PCDHA2: variants seen among roughly 807,000 people sequenced by gnomAD.
PCDHA2 encodes the protein protocadherin alpha-2.
Under a neutral mutation model 66.0 loss-of-function variants are expected in PCDHA2, and 58 were observed. The ratio of observed to expected loss-of-function variants is 0.88; its 90% confidence interval spans 0.71 to 1.09. PCDHA2 has a LOEUF of 1.09. Ranked by LOEUF, PCDHA2 falls within the 50% of genes least tolerant of loss-of-function variation. The probability of loss-of-function intolerance (pLI) is 0.00; values close to 1 mark genes in which losing one functional copy is unlikely to be tolerated. For synonymous variants in PCDHA2, 634 were observed against 554.0 expected, an observed-to-expected ratio of 1.14 and a Z score of -2.03; for missense variants, 1,267 against 1,242.3, an observed-to-expected ratio of 1.02 and a Z score of -0.30.
At chr5:141,001,702 G>C (rs2098033163) in intron 3 of PCDHA2, among the ~76,000 whole-genome samples, 1 of 152,194 alleles carries the variant, frequency 6.6e-6, no homozygotes, top group Non-Finnish European at 1.5e-5. Flanking sequence ...GGCGAAATAG[G>C]GGGCGGGGAA....
Position 140,842,808 on chromosome 5 carries a change from A to G in PCDHA2, c.2388+45456A>G. 1.3e-6 allele frequency: 2 copies of G among 1,594,086 alleles called. No individual in the cohort carries two copies. Among genetic ancestry groups the G allele is most frequent in the Non-Finnish European group, 1.7e-6 (2 of 1,165,358 alleles). ...GCGCTGGTGTCCTACTCGCTTGTGG[A>G]GCGGCGGGTGGGCGAGCGCTCGCTG... On this transcript the variant is annotated intron_variant, in intron 1 of 3. Coordinates refer to ENST00000526136, the MANE Select transcript of PCDHA2 (RefSeq NM_018905.3).
intron 1 of PCDHA2, chr5:140,836,420 G>A: frequency 6.2e-7 from 1 of 1,613,810 alleles, no homozygotes. Context: ...CAAAGGCGTC[G>A]TCGCGGGCAT....
At chr5:140,905,910 A>G (rs2153491860) in intron 1 of PCDHA2, among the ~76,000 whole-genome samples, 1 of 152,334 alleles carries the variant, frequency 6.6e-6, no homozygotes, top group Admixed American at 6.5e-5. Context: ...GGAGCAAGGA[A>G]TCCAATCTGA....
intron 1 of PCDHA2, chr5:140,807,254 G>A (rs1367583489): frequency 1.1e-5 from 18 of 1,614,118 alleles, no homozygotes; most frequent in Non-Finnish European, 1.4e-5. Context: ...TCTCCTCGCA[G>A]CCTGGGAGGC....
chr5:140,875,741 T>A lies in PCDHA2; in HGVS notation c.2388+78389T>A, dbSNP rs781967971. On this transcript the variant is annotated intron_variant, in intron 1 of 3. Transcript: ENST00000526136. ...GGCATTTTGTTTGTGAATTCTCGGA[T>A]CGACCGCGAGAAGCTGTGCGGGCGG... 1.7e-5 allele frequency: 28 copies of A among 1,614,216 alleles called. No individual in the cohort carries two copies. Among genetic ancestry groups the A allele is most frequent in the Non-Finnish European group, 2.2e-5 (26 of 1,180,032 alleles).
In PCDHA2 at chr5:140,869,957, A is replaced by G. The variant is rs782483772; in HGVS notation, c.2388+72605A>G. The stretch of plus-strand genomic sequence containing the variant: ...GTAACATACTCCTTAATGTCAATTA[A>G]GCCCAATGGAAGACACTTATTTACA... On this transcript the variant is annotated intron_variant, in intron 1 of 3. Transcript: ENST00000526136. 4 of 1,613,040 alleles carry G rather than the reference A, an allele frequency of 2.5e-6. No homozygotes were observed. The South Asian group carries it at 4.4e-5, about 18-fold the overall frequency.
intron 1 of PCDHA2, chr5:140,884,666 A>C (rs1554181818): frequency 6.4e-7 from 1 of 1,571,180 alleles, no homozygotes; most frequent in African/African-American, 1.4e-5. Flanking sequence ...GAAAGAGGTA[A>C]GCTTATATTT....
intron 1 of PCDHA2, among the ~76,000 whole-genome samples, chr5:140,905,776 G>A (rs190550917): frequency 2.4e-3 from 372 of 152,186 alleles, no homozygotes; most frequent in Non-Finnish European, 4.1e-3. Context: ...ATTCCGAAGT[G>A]TATTAGTCAG....
chr5:140,819,658 A>T (rs1010317649), intron 1 of PCDHA2, among the ~76,000 whole-genome samples: 5 of 152,142 alleles, frequency 3.3e-5, no homozygotes, highest in African/African-American at 1.2e-4. Context: ...GGAATATTCA[A>T]AATAAGAGTT....
rs782231259 is a variant in PCDHA2, at chr5:140,797,038, A to G, written c.2074A>G (p.Thr692Ala). 6.2e-7 allele frequency: 1 copy of G among 1,613,710 alleles called. No individual in the cohort carries two copies. Among genetic ancestry groups the G allele is most frequent in the South Asian group, 1.1e-5 (1 of 91,092 alleles). The change falls in exon 1 of 4, where the codon ACG becomes GCG. Residue 692 changes from threonine (T) to alanine (A), a missense_variant. Physicochemically the swap from Thr to Ala is moderately conservative, Grantham distance 58. Coordinates refer to ENST00000526136, the MANE Select transcript of PCDHA2 (RefSeq NM_018905.3). The stretch of plus-strand genomic sequence containing the variant: ...GGTGGGCGCCGCGGGCTCAGAGGCT[A>G]CGCTGGTGGATGTCAACGTGTACCT... ...AWVGAAGSEA[T>A]LVDVNVYLII... is the part of the protein sequence containing the mutation.
intron 1 of PCDHA2, among the ~76,000 whole-genome samples, chr5:140,960,614 G>A (rs1167351854): frequency 3.3e-5 from 5 of 152,130 alleles, no homozygotes; most frequent in African/African-American, 1.2e-4. Context: ...AATATCTAGT[G>A]TGTTTTTGAA....
chr5:140,873,461 T>A (rs2054305243), intron 1 of PCDHA2, among the ~76,000 whole-genome samples: 1 of 152,224 alleles, frequency 6.6e-6, no homozygotes, highest in Admixed American at 6.5e-5. Context: ...GCATTTTAGA[T>A]AATTCAAATT....
chr5:140,870,100 T>C (rs1554163812), intron 1 of PCDHA2: 2 of 1,613,914 alleles, frequency 1.2e-6, no homozygotes, highest in Admixed American at 3.3e-5. Context: ...GGCAGGTCAC[T>C]GTACAGTCTG....
At chr5:140,868,859 A>G (rs2050687281) in intron 1 of PCDHA2, 1 of 502,518 alleles carries the variant, frequency 2.0e-6, no homozygotes, top group African/African-American at 1.9e-5. Context: ...TGTGGTGGTA[A>G]ATGCAGTGCA....
intron 1 of PCDHA2, among the ~76,000 whole-genome samples, chr5:140,896,658 T>C (rs2065683362): frequency 6.6e-6 from 1 of 152,154 alleles, no homozygotes; most frequent in African/African-American, 2.4e-5. Context: ...ATTACAGGCA[T>C]GAGTCACTGT....
At chr5:140,862,800 G>T (rs782261222) in intron 1 of PCDHA2, 1 of 575,550 alleles carries the variant, frequency 1.7e-6, no homozygotes, top group African/African-American at 2.0e-5. Flanking sequence ...AGGAGCTGGA[G>T]CTGCTGCAGT....
rs1764445088 is a variant in PCDHA2, at chr5:140,809,379, C to G, written c.2388+12027C>G. The G allele has an allele frequency of 1.9e-6, 3 of 1,614,006 alleles. No individual in the cohort carries two copies. The African/African-American group carries it at 4.0e-5, about 22-fold the overall frequency. The stretch of plus-strand genomic sequence containing the variant: ...TGCTCTGCGCTGCCCACCGAGGGCG[C>G]GTGCGCTCCGGGCAAGCCCACGCTG... On this transcript the variant is annotated intron_variant, in intron 1 of 3. Transcript: ENST00000526136.
intron 1 of PCDHA2, among the ~76,000 whole-genome samples, chr5:140,913,986 G>A (rs1326699020): frequency 1.3e-5 from 2 of 152,048 alleles, no homozygotes; most frequent in African/African-American, 4.8e-5. Context: ...GACTTGTATT[G>A]TGACTAGCAT....
intron 1 of PCDHA2, chr5:140,869,955 T>G: frequency 2.5e-6 from 4 of 1,612,860 alleles, no homozygotes; most frequent in Non-Finnish European, 3.4e-6. Flanking sequence ...TAATGTCAAT[T>G]AAGCCCAATG....
Sources: allele counts gnomAD v4.1 joint callset (sites outside exome capture counted in the v4.1 genomes callset), GRCh38; gene constraint gnomAD v4.1.1; transcripts MANE v1.5; gene names NCBI Gene and HGNC (gene_info 2026-07-23, HGNC 2026-07-21).